Variants in ZFPM2 observed in about 807,000 individuals in gnomAD.
ZFPM2 encodes zinc finger protein ZFPM2.
ZFPM2 carries 20 observed loss-of-function variants against 98.6 expected under a neutral mutation model. That is an observed-to-expected ratio of 0.20 (90% CI 0.14 to 0.29). The LOEUF (loss-of-function observed/expected upper bound fraction) is 0.29, where lower values mean the gene tolerates loss of function less well. Ranked by LOEUF, ZFPM2 falls within the 10% of genes least tolerant of loss-of-function variation. ZFPM2 has a pLI of 1.00. For missense variants in ZFPM2, 1,310 were observed against 1,388.6 expected, an observed-to-expected ratio of 0.94 and a Z score of 0.90; for synonymous variants, 518 against 502.7, an observed-to-expected ratio of 1.03 and a Z score of -0.41.
chr8:105,330,522 TTCTCTC>T (rs146214596), intron 1 of ZFPM2, among the ~76,000 whole-genome samples: 7 of 117,912 alleles, frequency 5.9e-5, no homozygotes, highest in African/African-American at 2.5e-4. Flanking sequence ...ACAAAACAAT[TTCTCTC>T]TCTCTCTCTC....
chr8:105,548,394 G>T (rs1197854003), intron 3 of ZFPM2, among the ~76,000 whole-genome samples: 1 of 151,920 alleles, frequency 6.6e-6, no homozygotes, highest in Non-Finnish European at 1.5e-5. Flanking sequence ...AGACTATTTT[G>T]TCCAAAATTA....
rs60218363 is a variant in ZFPM2, at chr8:105,653,854, C to CTTTTTTTTTTTTTTTTTTTTTTTTTT, written c.532+19505_532+19530dup. Reference sequence around the variant, plus strand: ...CTTTATACAACAGCTTGTGTGCTATCTTTTTTTTTTTTTTTTTTTTTTTTT... The same window carrying CTTTTTTTTTTTTTTTTTTTTTTTTTT: ...CTTTATACAACAGCTTGTGTGCTATCTTTTTTTTTTTTTTTTTTTTTTTTTTTTTTTTTTTTTTTTTTTTTTTTTTT... On this transcript the variant is annotated intron_variant, in intron 5 of 7. Transcript: ENST00000407775. Among the ~76,000 whole-genome samples, 6 of 35,286 alleles carry CTTTTTTTTTTTTTTTTTTTTTTTTTT rather than the reference C, an allele frequency of 1.7e-4. 1 individual carries two copies. The highest frequency in any genetic ancestry group is 2.9e-4 in the Non-Finnish European group (6 of 20,362). The allele number at this position is 35,286 out of a possible 152,430, so 23.1% of individuals were successfully genotyped here.
intron 1 of ZFPM2, chr8:105,319,609 GGCAGGTC>G (rs1811980504): frequency 6.6e-6 from 1 of 152,668 alleles, no homozygotes; most frequent in Non-Finnish European, 1.5e-5. Context: ...GCTGGTGGCT[GGCAGGTC>G]GTGTCCTGGG....
chr8:105,406,580 A>T (rs1811463495), intron 1 of ZFPM2, among the ~76,000 whole-genome samples: 1 of 152,058 alleles, frequency 6.6e-6, no homozygotes, highest in Admixed American at 6.6e-5. Flanking sequence ...AAGGAGGGTC[A>T]TAACTCAGAT....
In ZFPM2 at chr8:105,746,654, A is replaced by ATTTTTTTTTTTTTTTTTTTTTTTTT. The variant is rs1563546914; in HGVS notation, c.533-42064_533-42063insTTTTTTTTTTTTTTTTTTTTTTTTT. Among the ~76,000 whole-genome samples, 2 of 112,052 alleles carry ATTTTTTTTTTTTTTTTTTTTTTTTT rather than the reference A, an allele frequency of 1.8e-5. 1 individual carries two copies. 73.5% of individuals were successfully genotyped at this position (112,052 alleles called of 152,430 possible). ...TGCGTTTTCTTGTTCTGTTTTTAAAAATTTTTTTTTTTTTTTTTTTTTTGG... is the reference window on the plus strand; with the variant it reads ...TGCGTTTTCTTGTTCTGTTTTTAAAATTTTTTTTTTTTTTTTTTTTTTTTTATTTTTTTTTTTTTTTTTTTTTTGG... On this transcript the variant is annotated intron_variant, in intron 5 of 7. Transcript: ENST00000407775.
rs571464410 is a variant in ZFPM2, at chr8:105,359,372, T to C, written c.40+40391T>C. Among the ~76,000 whole-genome samples the C allele has an allele frequency of 5.3e-5, 8 of 150,866 alleles. No homozygotes were observed. The South Asian group carries it at 1.5e-3, about 28-fold the overall frequency. On this transcript the variant is annotated intron_variant, in intron 1 of 7. Coordinates refer to ENST00000407775, the MANE Select transcript of ZFPM2 (RefSeq NM_012082.4). ...TTTTCTTTTTCTTTTTCTTTCTTTT[T>C]TTTTTTTTTTGTTGTTGTTTTGAGA...
At chr8:105,396,938 G>C (rs1157087559) in intron 1 of ZFPM2, among the ~76,000 whole-genome samples, 2 of 152,040 alleles carry the variant, frequency 1.3e-5, no homozygotes, top group Admixed American at 6.6e-5. Context: ...ATTATAACCT[G>C]GTAATTTTCC....
intron 5 of ZFPM2, among the ~76,000 whole-genome samples, chr8:105,778,509 CGT>C (rs1458148835): frequency 6.9e-6 from 1 of 144,608 alleles, no homozygotes; most frequent in Admixed American, 6.8e-5. Context: ...TGTGTGTGTG[CGT>C]GTGTGTGTTT....
chr8:105,780,107 T>C (rs1188569451), intron 5 of ZFPM2: 1 of 152,222 alleles, frequency 6.6e-6, no homozygotes, highest in Non-Finnish European at 1.5e-5. Flanking sequence ...CACAGAACCT[T>C]GAATAAGTAT....
intron 2 of ZFPM2, among the ~76,000 whole-genome samples, chr8:105,442,070 A>G (rs1217612402): frequency 1.3e-5 from 2 of 152,024 alleles, no homozygotes; most frequent in African/African-American, 4.8e-5. Context: ...GCGGTGGCTC[A>G]CGCCTGTAAT....
intron 1 of ZFPM2, among the ~76,000 whole-genome samples, chr8:105,352,981 T>C (rs962232268): frequency 2.6e-5 from 4 of 152,144 alleles, no homozygotes; most frequent in African/African-American, 4.8e-5. Context: ...AAAAATAAGA[T>C]AAATGTGTTG....
At chr8:105,481,921 A>C (rs1813127188) in intron 3 of ZFPM2, among the ~76,000 whole-genome samples, 1 of 152,208 alleles carries the variant, frequency 6.6e-6, no homozygotes, top group South Asian at 2.1e-4. Flanking sequence ...AATAAGAAAA[A>C]TCCCAATTTG....
At chr8:105,437,100 TTAAAC>T (rs1812135996) in intron 2 of ZFPM2, among the ~76,000 whole-genome samples, 2 of 152,292 alleles carry the variant, frequency 1.3e-5, no homozygotes, top group East Asian at 1.9e-4. Context: ...ATTAGAAAGT[TTAAAC>T]TATTCTTTCC....
At chr8:105,534,188 C>T (rs1275187979) in intron 3 of ZFPM2, among the ~76,000 whole-genome samples, 1 of 87,746 alleles carries the variant, frequency 1.1e-5, no homozygotes, top group Non-Finnish European at 2.2e-5. Flanking sequence ...TTCCCTCCTC[C>T]CTTCCTCCCT....
At chr8:105,381,224 G>A (rs910032741) in intron 1 of ZFPM2, among the ~76,000 whole-genome samples, 10 of 150,978 alleles carry the variant, frequency 6.6e-5, no homozygotes, top group African/African-American at 2.4e-4. Flanking sequence ...ATGCTTTCTA[G>A]CTTCATCCTT....
intron 6 of ZFPM2, among the ~76,000 whole-genome samples, chr8:105,797,724 A>C (rs1254409926): frequency 6.6e-6 from 1 of 152,060 alleles, no homozygotes; most frequent in East Asian, 1.9e-4. Flanking sequence ...CTTCTCCACC[A>C]AACCAGCTTA....
At chr8:105,519,696 A>G (rs1814009788) in intron 3 of ZFPM2, among the ~76,000 whole-genome samples, 1 of 152,248 alleles carries the variant, frequency 6.6e-6, no homozygotes, top group East Asian at 1.9e-4. Flanking sequence ...ACGTATTATA[A>G]TAAGGGAAAC....
intron 1 of ZFPM2, among the ~76,000 whole-genome samples, chr8:105,417,164 TC>T (rs1378627614): frequency 6.6e-6 from 1 of 152,034 alleles, no homozygotes; most frequent in Non-Finnish European, 1.5e-5. Context: ...ATAATAATAA[TC>T]TTAAATTTTC....
chr8:105,690,288 C>T (rs373197363), intron 5 of ZFPM2, among the ~76,000 whole-genome samples: 3 of 152,142 alleles, frequency 2.0e-5, no homozygotes, highest in East Asian at 3.8e-4. Context: ...GCTGATGCTC[C>T]GCAAGAGCAC....
Sources: allele counts gnomAD v4.1 joint callset (sites outside exome capture counted in the v4.1 genomes callset), GRCh38; gene constraint gnomAD v4.1.1; transcripts MANE v1.5; gene names NCBI Gene and HGNC (gene_info 2026-07-23, HGNC 2026-07-21).